The following TYW1 variants were observed in gnomAD, a reference collection of about 807,000 sequenced individuals.
TYW1 encodes tRNA-yW synthesizing protein 1 homolog, also known as S-adenosyl-L-methionine-dependent tRNA 4-demethylwyosine synthase TYW1.
A neutral mutation model predicts 96.2 loss-of-function variants in TYW1; 46 were observed. That is an observed-to-expected ratio of 0.48 (90% CI 0.38 to 0.61). The LOEUF (loss-of-function observed/expected upper bound fraction) is 0.61. TYW1 is among the 20% of genes least tolerant of loss of function. The pLI is 0.00. For missense variants in TYW1, 684 were observed against 909.6 expected, an observed-to-expected ratio of 0.75 and a Z score of 3.19; for synonymous variants, 274 against 323.0, an observed-to-expected ratio of 0.85 and a Z score of 1.63.
chr7:67,214,906 A>G (rs985209091), intron 15 of TYW1, among the ~76,000 whole-genome samples: 3 of 151,738 alleles, frequency 2.0e-5, no homozygotes, highest in African/African-American at 7.3e-5. Flanking sequence ...TTGATTTGCT[A>G]ACATTTTATT....
chr7:67,069,766 A>G (rs2115685305), intron 10 of TYW1, among the ~76,000 whole-genome samples: 1 of 152,288 alleles, frequency 6.6e-6, no homozygotes, highest in Admixed American at 6.5e-5. Flanking sequence ...AACAAACACA[A>G]ACAAAAATCC....
chr7:67,178,905 T>C lies in TYW1; in HGVS notation c.1699-4221T>C. On this transcript the variant is annotated intron_variant, in intron 13 of 15. Coordinates refer to ENST00000359626, the MANE Select transcript of TYW1 (RefSeq NM_018264.4). ...TGTTTCATTTCACAGTTTTAGAAGA[T>C]TTAGCAAAGTGAGAGAGAGCCTATT... 1.5e-5 allele frequency among the ~76,000 whole-genome samples: 2 copies of C among 135,718 alleles called. 1 individual carries two copies. Among genetic ancestry groups the C allele is most frequent in the Non-Finnish European group, 3.2e-5 (2 of 63,248 alleles). 89.0% of individuals were successfully genotyped at this position (135,718 alleles called of 152,430 possible). A position where few individuals can be genotyped will look rare whatever the true frequency, so the allele number is the denominator to read the frequency against.
intron 13 of TYW1, among the ~76,000 whole-genome samples, chr7:67,158,082 A>AT (rs560215948): frequency 0.032 from 3,286 of 101,918 alleles, 187 homozygotes; most frequent in East Asian, 0.082. Flanking sequence ...TTTGCTGAGG[A>AT]TTTTTTTTTT....
chr7:66,998,011 A>G, intron 1 of TYW1, 54 bp from the exon 2 acceptor site: 2 of 1,507,072 alleles, frequency 1.3e-6, no homozygotes, highest in African/African-American at 1.4e-5. Context: ...ATTGGGATGG[A>G]TATCTTTGTA....
intron 12 of TYW1, among the ~76,000 whole-genome samples, chr7:67,098,950 A>G (rs1797005721): frequency 6.6e-6 from 1 of 151,536 alleles, no homozygotes; most frequent in South Asian, 2.1e-4. Context: ...TTCAAAAGAG[A>G]ATGAATTTTT....
intron 14 of TYW1, among the ~76,000 whole-genome samples, chr7:67,191,362 C>T (rs1800210223): frequency 6.6e-6 from 1 of 152,174 alleles, no homozygotes; most frequent in African/African-American, 2.4e-5. Flanking sequence ...ACTGCAAACT[C>T]AAGGATGCAT....
At chr7:67,175,656 A>G (rs1327440303) in intron 13 of TYW1, among the ~76,000 whole-genome samples, 3 of 152,232 alleles carry the variant, frequency 2.0e-5, no homozygotes, top group Non-Finnish European at 4.4e-5. Flanking sequence ...CAACCTATTT[A>G]TGATGTCATA....
chr7:67,219,745 T>C lies in TYW1; in HGVS notation c.1978-18563T>C, dbSNP rs932837155. Among the ~76,000 whole-genome samples, 6 of 152,032 alleles carry C rather than the reference T, an allele frequency of 3.9e-5. 1 individual carries two copies. Among genetic ancestry groups the C allele is most frequent in the Admixed American group, 2.0e-4 (3 of 15,274 alleles). On this transcript the variant is annotated intron_variant, in intron 15 of 15. Transcript: ENST00000359626. ...TTGGTAGCAAAATCATTTCTGATTTTGGTAATTCGAGTCTTATTTCTCTCC... is the reference window on the plus strand; with the variant it reads ...TTGGTAGCAAAATCATTTCTGATTTCGGTAATTCGAGTCTTATTTCTCTCC...
In TYW1 at chr7:67,179,865, A is replaced by AT. The variant is rs200362190; in HGVS notation, c.1699-3249dup. ...ATTAGGAATATATATATATATATAT[A>AT]TTTTTTTTTTTTGGCGGGGGACAGG... is the stretch of plus-strand genomic sequence containing the variant. On this transcript the variant is annotated intron_variant, in intron 13 of 15. Coordinates refer to ENST00000359626, the MANE Select transcript of TYW1 (RefSeq NM_018264.4). Among the ~76,000 whole-genome samples, 706 of 87,176 alleles carry AT rather than the reference A, an allele frequency of 8.1e-3. 96 individuals carry two copies. The highest frequency in any genetic ancestry group is 0.022 in the East Asian group (89 of 4,022). 57.2% of individuals were successfully genotyped at this position (87,176 alleles called of 152,430 possible).
chr7:67,013,839 A>G (rs1226053517), intron 4 of TYW1, among the ~76,000 whole-genome samples: 10 of 137,188 alleles, frequency 7.3e-5, no homozygotes, highest in South Asian at 2.3e-4. Flanking sequence ...TGCCTCCTGG[A>G]TTCATGCCAT....
intron 13 of TYW1, among the ~76,000 whole-genome samples, chr7:67,140,206 C>CAT (rs1798403450): frequency 6.7e-6 from 1 of 149,766 alleles, no homozygotes; most frequent in African/African-American, 2.5e-5. Flanking sequence ...CCTACCAGGT[C>CAT]CCCCCACAAC....
chr7:67,184,748 C>T (rs959739598), intron 14 of TYW1, among the ~76,000 whole-genome samples: 13 of 150,774 alleles, frequency 8.6e-5, no homozygotes, highest in African/African-American at 3.2e-4. Context: ...CGCTCTGTCA[C>T]CCAGGCTGGA....
rs756521464 is a variant in TYW1, at chr7:67,055,823, T to C, written c.1103-12T>C. The C allele has an allele frequency of 6.2e-7, 1 of 1,607,760 alleles. No individual in the cohort carries two copies. The highest frequency in any genetic ancestry group is 1.7e-5 in the Admixed American group (1 of 58,388). ...ATCAGTCCAACTTTGTGTTCCCTGC[T>C]TTTCCACTCAGGTTATCAGTTGATT... On this transcript the variant is annotated splice_polypyrimidine_tract_variant and intron_variant, in intron 8 of 15. Coordinates refer to ENST00000359626, the MANE Select transcript of TYW1 (RefSeq NM_018264.4).
At chr7:67,027,025 C>A (rs1794472797) in intron 7 of TYW1, among the ~76,000 whole-genome samples, 1 of 151,820 alleles carries the variant, frequency 6.6e-6, no homozygotes, top group African/African-American at 2.4e-5. Flanking sequence ...ATAGTGAAAC[C>A]CCATCTCTAC....
At chr7:67,013,109 TC>T (rs1793870897) in intron 4 of TYW1, among the ~76,000 whole-genome samples, 1 of 149,406 alleles carries the variant, frequency 6.7e-6, no homozygotes, top group South Asian at 2.1e-4. Flanking sequence ...CTGTATTTTT[TC>T]TTTTCTTTTC....
chr7:67,065,885 C>G (rs1446032527), intron 9 of TYW1, among the ~76,000 whole-genome samples: 1 of 151,890 alleles, frequency 6.6e-6, no homozygotes, highest in African/African-American at 2.4e-5. Flanking sequence ...GTGCCGCATG[C>G]CTATAATCCC....
intron 10 of TYW1, among the ~76,000 whole-genome samples, chr7:67,078,176 A>G (rs552806495): frequency 3.7e-4 from 56 of 152,030 alleles, no homozygotes; most frequent in Middle Eastern, 3.4e-3. Flanking sequence ...GCTCACTGCA[A>G]CATCCACCTG....
intron 10 of TYW1, among the ~76,000 whole-genome samples, chr7:67,079,320 C>T (rs1796309474): frequency 6.6e-6 from 1 of 151,784 alleles, no homozygotes; most frequent in South Asian, 2.1e-4. Flanking sequence ...TCTCTTTCTT[C>T]CTGGTTTATT....
intron 5 of TYW1, among the ~76,000 whole-genome samples, chr7:67,015,057 A>C (rs1793970457): frequency 6.7e-6 from 1 of 149,232 alleles, no homozygotes; most frequent in South Asian, 2.1e-4. Context: ...GCTGGAGTGC[A>C]GTGGCGGGAT....
Sources: allele counts gnomAD v4.1 joint callset (sites outside exome capture counted in the v4.1 genomes callset), GRCh38; gene constraint gnomAD v4.1.1; transcripts MANE v1.5; gene names NCBI Gene and HGNC (gene_info 2026-07-23, HGNC 2026-07-21).